The following GYS2 variants were observed in gnomAD, a reference collection of about 807,000 sequenced individuals.
GYS2 encodes glycogen synthase 2.
In GYS2, 80 loss-of-function variants were observed where a neutral mutation model predicts 85.6. The ratio of observed to expected loss-of-function variants is 0.93; its 90% CI spans 0.78 to 1.13. GYS2 has a LOEUF of 1.13. Among genes scored for constraint, GYS2 ranks in the 50% most tolerant of loss-of-function variants. GYS2 has a pLI of 0.00. For synonymous variants in GYS2, 328 were observed against 300.7 expected, an observed-to-expected ratio of 1.09 and a Z score of -0.94; for missense variants, 881 against 854.9, an observed-to-expected ratio of 1.03 and a Z score of -0.38.
At chr12:21,554,978 C>T (rs1944160922) in intron 11 of GYS2, among the ~76,000 whole-genome samples, 1 of 152,170 alleles carries the variant, frequency 6.6e-6, no homozygotes, top group Non-Finnish European at 1.5e-5. Flanking sequence ...AGCTGCATGA[C>T]CCATCCCTCC....
chr12:21,586,436 T>TATC (rs1348321690), intron 1 of GYS2, among the ~76,000 whole-genome samples: 2 of 151,946 alleles, frequency 1.3e-5, no homozygotes, highest in African/African-American at 2.4e-5. Context: ...TCTATCTATC[T>TATC]ATCTATCTAT....
chr12:21,532,773 T>C (rs1943877956), downstream of GYS2: 1 of 152,198 alleles, frequency 6.6e-6, no homozygotes, highest in African/African-American at 2.4e-5. Context: ...TATGAAATAA[T>C]TCTTCCTACA....
chr12:21,570,658 G>T (rs185142351), intron 4 of GYS2, among the ~76,000 whole-genome samples: 99 of 152,328 alleles, frequency 6.5e-4, no homozygotes, highest in African/African-American at 5.8e-4. Context: ...AAATGCTATG[G>T]CATGTGCAGA....
At chr12:21,595,204 T>C (rs1009301976) in intron 1 of GYS2, among the ~76,000 whole-genome samples, 2 of 152,144 alleles carry the variant, frequency 1.3e-5, no homozygotes, top group African/African-American at 4.8e-5. Context: ...CAGAGCAGCA[T>C]GTGGAGGCTC....
At chr12:21,566,764 A>G (rs1321138904) in intron 5 of GYS2, among the ~76,000 whole-genome samples, 1 of 152,214 alleles carries the variant, frequency 6.6e-6, no homozygotes, top group Non-Finnish European at 1.5e-5. Context: ...AGTAACTTTT[A>G]TAATGTCACA....
chr12:21,574,068 C>T (rs939700206), intron 4 of GYS2, 76 bp downstream of exon 4: 2 of 1,155,680 alleles, frequency 1.7e-6, no homozygotes, highest in Non-Finnish European at 2.6e-6. Context: ...ATGAAATGTA[C>T]AGATCAATAC....
At chr12:21,579,729 C>G (rs1393302894) in intron 2 of GYS2, among the ~76,000 whole-genome samples, 1 of 152,122 alleles carries the variant, frequency 6.6e-6, no homozygotes, top group Non-Finnish European at 1.5e-5. Context: ...AAGTAGCTCC[C>G]TTCAACCTCT....
chr12:21,557,407 T>G (rs1944193377), intron 11 of GYS2, among the ~76,000 whole-genome samples: 2 of 152,190 alleles, frequency 1.3e-5, no homozygotes, highest in Non-Finnish European at 2.9e-5. Flanking sequence ...CTAGTCATTG[T>G]GGAAACTCAA....
chr12:21,580,299 TA>T, intron 2 of GYS2, 42 bp downstream of exon 2: 1 of 1,541,434 alleles, frequency 6.5e-7, no homozygotes, highest in Non-Finnish European at 9.0e-7. Flanking sequence ...TTTTTTCCCA[TA>T]AGTTTACTGA....
intron 11 of GYS2, among the ~76,000 whole-genome samples, chr12:21,557,211 G>C (rs992757486): frequency 3.9e-5 from 6 of 152,178 alleles, no homozygotes; most frequent in African/African-American, 1.4e-4. Context: ...ATTTGATCTT[G>C]AACATTAGTG....
At position 21,539,311 on chromosome 12, in the gene GYS2, A is replaced by G; in HGVS notation, c.1837T>C (p.Leu613=). 6.2e-7 allele frequency: 1 copy of G among 1,605,818 alleles called. No homozygotes were observed. The highest frequency in any genetic ancestry group is 8.5e-7 in the Non-Finnish European group (1 of 1,172,520). Residue 613 remains leucine, a synonymous_variant, in exon 15 of 16, where the codon TTA becomes CTA. Coordinates refer to ENST00000261195, the MANE Select transcript of GYS2 (RefSeq NM_021957.4). ...RYYQHARHLT[L]SRAFPDKFHV... ...AATTTATCTGGAAAAGCTCTGCTTA[A>G]TGTCAGGTGTCTGGCATGCTGGTAA...
chr12:21,534,625 AAG>A (rs980681701), downstream of GYS2, among the ~76,000 whole-genome samples: 1 of 152,230 alleles, frequency 6.6e-6, no homozygotes, highest in East Asian at 1.9e-4. Context: ...GAAAGAAAAA[AAG>A]AGAGAAAGAA....
chr12:21,564,385 C>G (rs1015732405), intron 5 of GYS2, among the ~76,000 whole-genome samples: 1 of 151,872 alleles, frequency 6.6e-6, no homozygotes, highest in Non-Finnish European at 1.5e-5. Flanking sequence ...GAGCTGAAAT[C>G]ACGCCACTGC....
intron 5 of GYS2, among the ~76,000 whole-genome samples, chr12:21,564,983 A>G (rs1159265582): frequency 4.6e-5 from 7 of 152,136 alleles, no homozygotes; most frequent in Non-Finnish European, 5.9e-5. Flanking sequence ...ACTGTACCAT[A>G]CAAAAGCTAT....
At chr12:21,580,546 T>C in intron 1 of GYS2, 23 bp from the exon 2 acceptor site, 1 of 1,585,114 alleles carries the variant, frequency 6.3e-7, no homozygotes, top group Non-Finnish European at 8.7e-7. Flanking sequence ...AAAAAGTTTC[T>C]ATTATCATTC....
At chr12:21,599,242 A>G (rs1346499859) in intron 1 of GYS2, among the ~76,000 whole-genome samples, 1 of 152,048 alleles carries the variant, frequency 6.6e-6, no homozygotes, top group Non-Finnish European at 1.5e-5. Context: ...TACTAATCTC[A>G]CCCTCCTGTT....
intron 4 of GYS2, among the ~76,000 whole-genome samples, chr12:21,573,548 G>C (rs1271541168): frequency 6.6e-6 from 1 of 152,128 alleles, no homozygotes; most frequent in Non-Finnish European, 1.5e-5. Context: ...AACCTGCTAA[G>C]ATGAGCAAAA....
At chr12:21,573,620 C>A (rs1481327895) in intron 4 of GYS2, among the ~76,000 whole-genome samples, 1 of 152,110 alleles carries the variant, frequency 6.6e-6, no homozygotes, top group Non-Finnish European at 1.5e-5. Context: ...TTTACTTGAT[C>A]CCACAAAAAT....
chr12:21,549,671 C>A (rs1029006195), intron 11 of GYS2, among the ~76,000 whole-genome samples: 4 of 152,112 alleles, frequency 2.6e-5, no homozygotes, highest in African/African-American at 9.7e-5. Context: ...TCCCTCAATG[C>A]GGGTTTGTCT....
Sources: allele counts gnomAD v4.1 joint callset (sites outside exome capture counted in the v4.1 genomes callset), GRCh38; gene constraint gnomAD v4.1.1; transcripts MANE v1.5; gene names NCBI Gene and HGNC (gene_info 2026-07-23, HGNC 2026-07-21).